Variants in CELF2 observed in about 807,000 individuals in gnomAD.
The protein encoded by CELF2 is CUGBP Elav-like family member 2, also known as CUG triplet repeat RNA-binding protein 2.
CELF2 carries 8 observed loss-of-function variants against 62.6 expected under a neutral mutation model. The ratio of observed to expected loss-of-function variants is 0.13; its 90% CI spans 0.07 to 0.23. The LOEUF is 0.23. Among genes scored for constraint, CELF2 ranks in the 10% least tolerant of loss-of-function variants. CELF2 has a pLI of 1.00. For missense variants in CELF2, 333 were observed against 671.0 expected, an observed-to-expected ratio of 0.50 and a Z score of 5.56; for synonymous variants, 258 against 250.0, an observed-to-expected ratio of 1.03 and a Z score of -0.30.
chr10:11,162,011 G>A (rs2065835961), intron 1 of CELF2, among the ~76,000 whole-genome samples: 2 of 152,188 alleles, frequency 1.3e-5, no homozygotes, highest in African/African-American at 4.8e-5. Flanking sequence ...GGAGAGAGTT[G>A]GGAGTCCAGA....
intron 3 of CELF2, among the ~76,000 whole-genome samples, chr10:11,219,630 A>T (rs1423084297): frequency 6.6e-6 from 1 of 152,234 alleles, no homozygotes; most frequent in Non-Finnish European, 1.5e-5. Flanking sequence ...GTAAATGAGG[A>T]GAGAGTTTCA....
intron 2 of CELF2, among the ~76,000 whole-genome samples, chr10:10,939,670 C>T (rs1373827776): frequency 6.6e-6 from 1 of 151,802 alleles, no homozygotes; most frequent in Non-Finnish European, 1.5e-5. Context: ...ATCGGAAAAG[C>T]CAGGCCGGGC....
the CELF2 span, among the ~76,000 whole-genome samples, chr10:10,734,194 T>C: frequency 6.6e-6 from 1 of 152,188 alleles, no homozygotes; most frequent in Non-Finnish European, 1.5e-5. Flanking sequence ...TCCAGAATGG[T>C]TGACCAGAAA....
chr10:10,501,872 C>T, the CELF2 span, among the ~76,000 whole-genome samples: 1 of 152,170 alleles, frequency 6.6e-6, no homozygotes, highest in African/African-American at 2.4e-5. Context: ...AGCATTCAGA[C>T]TTTCATGATG....
intron 2 of CELF2, among the ~76,000 whole-genome samples, chr10:11,204,730 G>A (rs1339638804): frequency 6.6e-6 from 1 of 152,234 alleles, no homozygotes; most frequent in Non-Finnish European, 1.5e-5. Context: ...CCTTGGCCAA[G>A]AGGTGCCTGA....
intron 2 of CELF2, among the ~76,000 whole-genome samples, chr10:10,973,812 C>T (rs1380634832): frequency 1.3e-5 from 2 of 152,172 alleles, no homozygotes; most frequent in Non-Finnish European, 2.9e-5. Context: ...CAACTACCCT[C>T]CCCCTGCAGC....
At chr10:11,074,895 G>C (rs906480434) in intron 1 of CELF2, 1 of 152,182 alleles carries the variant, frequency 6.6e-6, no homozygotes, top group Non-Finnish European at 1.5e-5. Context: ...TAAAGCAAAT[G>C]AATTTGGTCT....
intron 1 of CELF2, among the ~76,000 whole-genome samples, chr10:10,850,450 A>G (rs1200033225): frequency 6.6e-6 from 1 of 152,192 alleles, no homozygotes; most frequent in Non-Finnish European, 1.5e-5. Flanking sequence ...TCTGAATCCA[A>G]GGCTTTCAGA....
chr10:10,708,868 A>G, the CELF2 span, among the ~76,000 whole-genome samples: 6 of 152,188 alleles, frequency 3.9e-5, no homozygotes, highest in African/African-American at 1.4e-4. Flanking sequence ...ACACCCTTAC[A>G]CACACGCACA....
At chr10:10,926,828 A>G (rs908018717) in intron 2 of CELF2, among the ~76,000 whole-genome samples, 7 of 152,314 alleles carry the variant, frequency 4.6e-5, no homozygotes, top group African/African-American at 1.7e-4. Flanking sequence ...CATGCCAGGT[A>G]GGTGCTTTTC....
chr10:10,691,064 G>T, the CELF2 span, among the ~76,000 whole-genome samples: 1 of 152,146 alleles, frequency 6.6e-6, no homozygotes, highest in South Asian at 2.1e-4. Flanking sequence ...GTGCAGGTTA[G>T]TTACATATGT....
intron 2 of CELF2, chr10:10,946,346 A>G (rs538998881): frequency 1.2e-4 from 19 of 152,504 alleles, no homozygotes; most frequent in African/African-American, 3.8e-4. Context: ...AGGGTGTAGA[A>G]ATTGTGTCAT....
the CELF2 span, among the ~76,000 whole-genome samples, chr10:10,525,955 G>A: frequency 6.6e-6 from 1 of 152,120 alleles, no homozygotes; most frequent in East Asian, 1.9e-4. Flanking sequence ...CATATACAAT[G>A]GCTCTCTTGA....
the CELF2 span, among the ~76,000 whole-genome samples, chr10:10,768,250 C>T: frequency 1.3e-5 from 2 of 152,030 alleles, no homozygotes; most frequent in African/African-American, 4.8e-5. Flanking sequence ...AACTCACCTA[C>T]CTTTCTGAGT....
chr10:11,103,984 C>T (rs562693832), intron 1 of CELF2, among the ~76,000 whole-genome samples: 1 of 104,394 alleles, frequency 9.6e-6, no homozygotes, highest in Non-Finnish European at 1.7e-5. Flanking sequence ...TATTTATGGT[C>T]AGTTCTGTTT....
chr10:11,040,741 TTCTCTTCCAACTGATTTCAC>T (rs1164343136), intron 1 of CELF2, among the ~76,000 whole-genome samples: 1 of 98,350 alleles, frequency 1.0e-5, no homozygotes, highest in Non-Finnish European at 2.4e-5. Flanking sequence ...TTGTGAGTTC[TTCTCTTCCAACTGATTTCAC>T]CTTCTACCTT....
chr10:10,883,123 T>C (rs2061539017), intron 1 of CELF2, among the ~76,000 whole-genome samples: 1 of 152,234 alleles, frequency 6.6e-6, no homozygotes, highest in Non-Finnish European at 1.5e-5. Context: ...AAAAATACTC[T>C]GTCATTCTGC....
intron 2 of CELF2, chr10:10,927,004 C>T (rs1162030470): frequency 6.6e-6 from 1 of 152,246 alleles, no homozygotes; most frequent in Non-Finnish European, 1.5e-5. Context: ...GGCCATTCTT[C>T]ATCAGTCTTC....
chr10:11,165,192 CCT>C lies in CELF2; in HGVS notation c.75-292_75-291del. On this transcript the variant is annotated intron_variant, in intron 1 of 12. Coordinates refer to ENST00000633077, the MANE Select transcript of CELF2 (RefSeq NM_001326342.2). The surrounding 1 kb of genome is among the most constrained non-coding windows in gnomAD (Gnocchi z 7.4). ...TAGACCTGCACTTAACTTGCAGCTG[CCT>C]CCCGAGCCTCCAAGATGTCCACGCC... 1 of 1,237,122 alleles carries C rather than the reference CCT, an allele frequency of 8.1e-7. No homozygotes were observed. Among genetic ancestry groups the C allele is most frequent in the Non-Finnish European group, 1.0e-6 (1 of 984,718 alleles). 76.6% of individuals were successfully genotyped at this position (1,237,122 alleles called of 1,614,324 possible).
Sources: allele counts gnomAD v4.1 joint callset (sites outside exome capture counted in the v4.1 genomes callset), GRCh38; gene constraint gnomAD v4.1.1; non-coding constraint Gnocchi (gnomAD v3.1); transcripts MANE v1.5; gene names NCBI Gene and HGNC (gene_info 2026-07-23, HGNC 2026-07-21).